The following KCTD5 variants were observed in gnomAD, a reference collection of about 807,000 sequenced individuals.
The protein encoded by KCTD5 is potassium channel tetramerization domain containing 5.
KCTD5 carries 12 observed loss-of-function variants against 27.9 expected under a neutral mutation model. The ratio of observed to expected loss-of-function variants is 0.43; its 90% CI spans 0.28 to 0.70. KCTD5 has a LOEUF of 0.70. KCTD5 is among the 30% of genes least tolerant of loss of function. KCTD5 has a pLI of 0.19. For synonymous variants in KCTD5, 147 were observed against 121.4 expected, an observed-to-expected ratio of 1.21 and a Z score of -1.39; for missense variants, 226 against 274.8, an observed-to-expected ratio of 0.82 and a Z score of 1.26.
At chr16:2,706,195 G>C (rs909510584) in intron 5 of KCTD5, among the ~76,000 whole-genome samples, 11 of 152,222 alleles carry the variant, frequency 7.2e-5, no homozygotes, top group South Asian at 2.1e-4. Context: ...AGAGCTGTTG[G>C]GGGGTGGAGT....
chr16:2,686,965 A>T (rs115154633), intron 1 of KCTD5, among the ~76,000 whole-genome samples: 3,039 of 152,242 alleles, frequency 0.02, 87 homozygotes, highest in African/African-American at 0.069. Flanking sequence ...GGTGTCTGCG[A>T]CGCTGATGGA....
At chr16:2,705,170 C>T (rs1361077698) in intron 5 of KCTD5, among the ~76,000 whole-genome samples, 9 of 152,346 alleles carry the variant, frequency 5.9e-5, no homozygotes. Flanking sequence ...CAGGGAGTGG[C>T]TCAGATTAAG....
intron 3 of KCTD5, chr16:2,699,422 G>C: frequency 2.8e-6 from 1 of 358,604 alleles, no homozygotes; most frequent in Non-Finnish European, 5.5e-6. Flanking sequence ...AGCTGGGAGC[G>C]AGCTTCGTCT....
intron 3 of KCTD5, among the ~76,000 whole-genome samples, chr16:2,698,504 C>G (rs1664867259): frequency 6.6e-6 from 1 of 152,238 alleles, no homozygotes; most frequent in Admixed American, 6.5e-5. Flanking sequence ...CAGGGGAGCC[C>G]AGGTTGTTGG....
intron 3 of KCTD5, among the ~76,000 whole-genome samples, chr16:2,698,981 C>T: frequency 6.6e-6 from 1 of 152,220 alleles, no homozygotes; most frequent in East Asian, 1.9e-4. Flanking sequence ...GTCTGCGGTC[C>T]AGCCTTGCTG....
At chr16:2,696,610 TC>T (rs1217440864) in intron 2 of KCTD5, among the ~76,000 whole-genome samples, 12 of 152,300 alleles carry the variant, frequency 7.9e-5, no homozygotes, top group African/African-American at 2.9e-4. Context: ...TCAGAACAGC[TC>T]GAGGCCTCGC....
intron 1 of KCTD5, among the ~76,000 whole-genome samples, chr16:2,690,375 A>G (rs1428960073): frequency 2.0e-5 from 3 of 151,930 alleles, no homozygotes; most frequent in Non-Finnish European, 4.4e-5. Context: ...GAAGCCTGGG[A>G]CCTCTGGAGA....
intron 1 of KCTD5, among the ~76,000 whole-genome samples, chr16:2,688,759 T>A (rs563334686): frequency 0.037 from 2,956 of 78,932 alleles, 257 homozygotes; most frequent in African/African-American, 0.16. Flanking sequence ...AGGCCCCCGC[T>A]GAGTGGGTCT....
At chr16:2,701,637 C>CA (rs769654739) in intron 4 of KCTD5, among the ~76,000 whole-genome samples, 8 of 148,082 alleles carry the variant, frequency 5.4e-5, no homozygotes, top group Non-Finnish European at 1.1e-4. Flanking sequence ...TCCAACTGCG[C>CA]AGGTCTTAGA....
Position 2,708,584 on chromosome 16 carries a change from C to G in KCTD5, c.*1257C>G, listed in dbSNP as rs373313436. ...CAGAGGCTCTGACACTGTCTGGTTT[C>G]CAATGCTTCTGGAGACTTCCTGCCT... On this transcript the variant is annotated 3_prime_UTR_variant, in exon 6 of 6. Transcript: ENST00000301738. 5.9e-5 allele frequency: 9 copies of G among 152,312 alleles called. No homozygotes were observed. The highest frequency in any genetic ancestry group is 2.2e-4 in the African/African-American group (9 of 41,466). The allele number at this position is 152,312 out of a possible 1,614,324, so 9.4% of individuals were successfully genotyped here.
intron 1 of KCTD5, among the ~76,000 whole-genome samples, chr16:2,687,061 G>A (rs1253898918): frequency 7.9e-5 from 12 of 152,184 alleles, no homozygotes; most frequent in South Asian, 2.1e-4. Context: ...GGACCTCTGC[G>A]ATGGTCCCTG....
At chr16:2,687,000 A>T (rs1255547241) in intron 1 of KCTD5, among the ~76,000 whole-genome samples, 2 of 152,138 alleles carry the variant, frequency 1.3e-5, no homozygotes, top group Non-Finnish European at 2.9e-5. Context: ...TCAGTTGAGG[A>T]TGTGGCTCTG....
chr16:2,682,719 C>T lies in KCTD5; in HGVS notation c.171C>T (p.Thr57=). The part of the protein sequence containing the change: ...RLNVGGTYFL[T]TRQTLCRDPK... ...ACGTCGGCGGCACCTACTTCCTCAC[C>T]ACTCGGCAGACCCTGTGCCGGGACC... The change falls in exon 1 of 6, where the codon ACC becomes ACT. Residue 57 remains threonine, a synonymous_variant. Transcript: ENST00000301738. The T allele has an allele frequency of 6.2e-7, 1 of 1,610,610 alleles. No homozygotes were observed. The highest frequency in any genetic ancestry group is 8.5e-7 in the Non-Finnish European group (1 of 1,178,898).
chr16:2,694,280 AAGGCAGGGCCAAGCCCAGG>A (rs1434077564), intron 1 of KCTD5, among the ~76,000 whole-genome samples: 5 of 147,188 alleles, frequency 3.4e-5, no homozygotes, highest in Admixed American at 6.8e-5. Flanking sequence ...GGGCTGGGGA[AAGGCAGGGCCAAGCCCAGG>A]AGGCAGGGCC....
chr16:2,682,833 T>C (rs2067524370), intron 1 of KCTD5, 33 bp downstream of exon 1: 1 of 1,544,398 alleles, frequency 6.5e-7, no homozygotes, highest in Non-Finnish European at 8.7e-7. Context: ...CGGAGGGTCC[T>C]GGCCTTCCCG....
intron 1 of KCTD5, chr16:2,683,097 C>T (rs894537704): frequency 1.7e-5 from 6 of 354,966 alleles, no homozygotes; most frequent in Admixed American, 5.0e-5. Flanking sequence ...CTTCCTAGAC[C>T]CCGGACTTTG....
At chr16:2,706,680 G>T (rs1314692806) in intron 5 of KCTD5, among the ~76,000 whole-genome samples, 1 of 152,016 alleles carries the variant, frequency 6.6e-6, no homozygotes, top group Non-Finnish European at 1.5e-5. Context: ...GAGGGCAGGG[G>T]GCCGAGGGGC....
At position 2,702,451 on chromosome 16, in the gene KCTD5, G is replaced by A. The variant is rs530216796; in HGVS notation, c.648G>A (p.Thr216=). 2.6e-5 allele frequency: 42 copies of A among 1,613,224 alleles called. 1 individual carries two copies. In the South Asian group the frequency reaches 2.7e-4, roughly 11 times the overall value. The part of the protein sequence containing the change: ...SKELHNTPYG[T]ASEPSEKAKI... ...AGCTGCACAACACCCCGTACGGTAC[G>A]GCCAGCGAGCCCAGCGAGAAGGCCA... The change falls in exon 5 of 6, where the codon ACG becomes ACA. Residue 216 remains threonine (T), a synonymous_variant. Transcript: ENST00000301738.
intron 5 of KCTD5, among the ~76,000 whole-genome samples, chr16:2,705,978 G>C (rs2067633935): frequency 6.6e-6 from 1 of 152,180 alleles, no homozygotes; most frequent in African/African-American, 2.4e-5. Flanking sequence ...TTTTACACAG[G>C]GCTGGTGGGG....
Sources: gnomAD v4.1 joint callset for allele counts (sites outside exome capture counted in the v4.1 genomes callset) on GRCh38, gnomAD v4.1.1 for gene constraint, MANE v1.5 for transcripts, NCBI Gene and HGNC (gene_info 2026-07-23, HGNC 2026-07-21) for gene names.